FOXK1: variants seen among roughly 807,000 people sequenced by gnomAD.
The protein encoded by FOXK1 is forkhead box K1, also known as forkhead box protein K1.
A neutral mutation model predicts 51.9 loss-of-function variants in FOXK1; 19 were observed. That is an observed-to-expected ratio of 0.37 (90% confidence interval 0.26 to 0.54). The LOEUF (loss-of-function observed/expected upper bound fraction) is 0.54, where lower values mean the gene tolerates loss of function less well. Among genes scored for constraint, FOXK1 ranks in the 20% least tolerant of loss-of-function variants. FOXK1 has a pLI of 0.87. For synonymous variants in FOXK1, 537 were observed against 482.6 expected (o/e 1.11, Z -1.48); for missense variants, 870 against 1,032.7 (o/e 0.84, Z 2.16).
At chr7:4,706,666 C>A (rs1261574636) in intron 1 of FOXK1, among the ~76,000 whole-genome samples, 4 of 152,248 alleles carry the variant, frequency 2.6e-5, no homozygotes, top group Non-Finnish European at 4.4e-5. Flanking sequence ...ACAGTTCTGT[C>A]TGAATTGTTT....
In FOXK1 at chr7:4,730,537, G is replaced by A. The variant is rs571723795; in HGVS notation, c.561-10301G>A. On this transcript the variant is annotated intron_variant, in intron 1 of 8. Coordinates refer to ENST00000328914, the MANE Select transcript of FOXK1 (RefSeq NM_001037165.2). This position sits in a 1 kb window ranked among gnomAD's most constrained non-coding sequence, Gnocchi z 4.7. The stretch of plus-strand genomic sequence containing the variant: ...CGTGTCTGTCGGGGAGGGGATGGAC[G>A]TTTGTGTTGCTGTCAGGGACCTTGC... 3.2e-3 allele frequency among the ~76,000 whole-genome samples: 480 copies of A among 152,326 alleles called. 2 individuals are homozygous for A. Among genetic ancestry groups the A allele is most frequent in the African/African-American group, 0.011 (458 of 41,580 alleles).
rs1780626328 is a variant in FOXK1 at position 4,740,960 on chromosome 7, A to G, written c.683A>G (p.His228Arg). The G allele has an allele frequency of 6.4e-7, 1 of 1,568,618 alleles. No homozygotes were observed. Among genetic ancestry groups the G allele is most frequent in the African/African-American group, 1.4e-5 (1 of 71,794 alleles). Residue 228 changes from histidine (H) to arginine (R), a missense_variant, in exon 2 of 9, where the codon CAC (histidine) becomes CGC (arginine). Physicochemically the swap from His to Arg is conservative, Grantham distance 29. Transcript: ENST00000328914. Reference protein sequence around the residue: ...LYPQISPLKIHIPEPDLRSMV... With the variant: ...LYPQISPLKIRIPEPDLRSMV... ...CCCCAGATCTCCCCTCTGAAGATCC[A>G]CATCCCGGAGCCGGACCTCCGGAGC...
intron 2 of FOXK1, among the ~76,000 whole-genome samples, chr7:4,750,252 C>T (rs1032782634): frequency 6.6e-6 from 1 of 152,146 alleles, no homozygotes; most frequent in African/African-American, 2.4e-5. Flanking sequence ...CTCTGCGTCC[C>T]ACACCTGGGC....
Position 4,711,216 on chromosome 7 carries a change from GCTGGTGTGCCCTCCTGGGTCCCGACAC to G in FOXK1, c.560+28353_560+28379del, listed in dbSNP as rs1224389198. On this transcript the variant is annotated intron_variant, in intron 1 of 8. Coordinates refer to ENST00000328914, the MANE Select transcript of FOXK1 (RefSeq NM_001037165.2). This position sits in a 1 kb window ranked among gnomAD's most constrained non-coding sequence, Gnocchi z 6.3. Reference sequence around the variant, plus strand: ...CCCAGCTCTGTTCAGGAAGCGTTGTGCTGGTGTGCCCTCCTGGGTCCCGACACCTGGGGGTGTTTTCACAGGGTGGGA... The same window carrying G: ...CCCAGCTCTGTTCAGGAAGCGTTGTGCTGGGGGTGTTTTCACAGGGTGGGA... Among the ~76,000 whole-genome samples the G allele has an allele frequency of 7.2e-5, 11 of 152,192 alleles. No homozygotes were observed. Among genetic ancestry groups the G allele is most frequent in the Admixed American group, 3.9e-4 (6 of 15,282 alleles).
At chr7:4,732,893 C>T (rs1055019635) in intron 1 of FOXK1, among the ~76,000 whole-genome samples, 6 of 150,636 alleles carry the variant, frequency 4.0e-5, no homozygotes, top group Non-Finnish European at 8.8e-5. Flanking sequence ...TCTTCTTACT[C>T]GTCCAGCGTT....
rs973628673 is a variant in FOXK1, at chr7:4,767,048, T to C, written c.*4584T>C. ...AGAAGAAAGGATTTTCCCCTTCGCTTTCAGAGCCGGCGGGAGTGCAGGTCT... is the reference window on the plus strand; with the variant it reads ...AGAAGAAAGGATTTTCCCCTTCGCTCTCAGAGCCGGCGGGAGTGCAGGTCT... On this transcript the variant is annotated 3_prime_UTR_variant, in exon 9 of 9. Transcript: ENST00000328914. The surrounding 1 kb of genome is among the most constrained non-coding windows in gnomAD (Gnocchi z 6.6). The C allele has an allele frequency of 6.6e-6, 1 of 152,220 alleles. No homozygotes were observed. The highest frequency in any genetic ancestry group is 1.5e-5 in the Non-Finnish European group (1 of 68,042). 9.4% of individuals were successfully genotyped at this position (152,220 alleles called of 1,614,324 possible).
intron 1 of FOXK1, among the ~76,000 whole-genome samples, chr7:4,710,787 A>G (rs62453197): frequency 0.18 from 28,058 of 151,882 alleles, 3,725 homozygotes; most frequent in African/African-American, 0.38. Context: ...GGGCCACGAT[A>G]CTGTTCATAG....
intron 1 of FOXK1, among the ~76,000 whole-genome samples, chr7:4,710,103 T>G (rs1431824724): frequency 6.6e-6 from 1 of 152,244 alleles, no homozygotes; most frequent in Non-Finnish European, 1.5e-5. Context: ...GGTTTCCTCA[T>G]CTGAATGAGA....
intron 1 of FOXK1, among the ~76,000 whole-genome samples, chr7:4,705,517 T>TTCTCTCTCTCTCTCTCTCTCTCTCTC (rs56842360): frequency 1.4e-4 from 16 of 111,568 alleles, no homozygotes; most frequent in African/African-American, 4.9e-4. Context: ...TTCCTTCTCT[T>TTCTCTCTCTCTCTCTCTCTCTCTCTC]TCTCTCTCTC....
At chr7:4,713,451 T>C (rs1229380580) in intron 1 of FOXK1, among the ~76,000 whole-genome samples, 1 of 151,460 alleles carries the variant, frequency 6.6e-6, no homozygotes, top group African/African-American at 2.4e-5. Flanking sequence ...CCCTGCGAGG[T>C]CAGCTCCCTA....
intron 1 of FOXK1, among the ~76,000 whole-genome samples, chr7:4,712,055 C>CT (rs374823663): frequency 0.057 from 8,264 of 145,430 alleles, 554 homozygotes; most frequent in African/African-American, 0.17. Flanking sequence ...ATCATCTGTG[C>CT]TTTTTTTTTT....
intron 2 of FOXK1, 78 bp downstream of exon 2, chr7:4,741,101 C>A: frequency 1.9e-6 from 2 of 1,055,842 alleles, no homozygotes; most frequent in South Asian, 1.9e-5. Context: ...TACGCAGCAC[C>A]GGGTTCCAAA....
chr7:4,699,881 A>G (rs2115034239), intron 1 of FOXK1, among the ~76,000 whole-genome samples: 1 of 152,292 alleles, frequency 6.6e-6, no homozygotes, highest in African/African-American at 2.4e-5. Context: ...TCATGTGCAG[A>G]TAATACTTCT....
chr7:4,695,800 G>A (rs1190327776), intron 1 of FOXK1, among the ~76,000 whole-genome samples: 1 of 152,220 alleles, frequency 6.6e-6, no homozygotes, highest in Non-Finnish European at 1.5e-5. Flanking sequence ...GCTGGGCGTG[G>A]TGGCGCATGC....
At position 4,748,803 on chromosome 7, in the gene FOXK1, C is replaced by T. The variant is rs112347937; in HGVS notation, c.747-5656C>T. On this transcript the variant is annotated intron_variant, in intron 2 of 8. Transcript: ENST00000328914. The surrounding 1 kb of genome is among the most constrained non-coding windows in gnomAD (Gnocchi z 4.9). ...AAGCGAGCCTCCTGCCTCAGCCTCCCGAGTAGTAGGGACTACAGGTGTGCA... is the reference window on the plus strand; with the variant it reads ...AAGCGAGCCTCCTGCCTCAGCCTCCTGAGTAGTAGGGACTACAGGTGTGCA... Among the ~76,000 whole-genome samples the T allele has an allele frequency of 1.5e-4, 23 of 152,314 alleles. 1 individual carries two copies. The highest frequency in any genetic ancestry group is 4.3e-4 in the African/African-American group (18 of 41,574).
At position 4,721,574 on chromosome 7, in the gene FOXK1, CTTTTTCTTT is replaced by C. The variant is rs1310278757; in HGVS notation, c.561-19249_561-19241del. Among the ~76,000 whole-genome samples the C allele has an allele frequency of 2.9e-3, 422 of 144,190 alleles. 4 individuals carry two copies. Among genetic ancestry groups the C allele is most frequent in the African/African-American group, 0.01 (392 of 38,374 alleles). 94.6% of individuals were successfully genotyped at this position (144,190 alleles called of 152,430 possible). ...AGCCTAAGAAGGACTTTTCTCTTTT[CTTTTTCTTT>C]TTTTTCTTTTTTTTTTTTTTTTTTT... On this transcript the variant is annotated intron_variant, in intron 1 of 8. Transcript: ENST00000328914.
Position 4,756,723 on chromosome 7 carries a change from C to T in FOXK1, c.1051-271C>T, listed in dbSNP as rs1780857901. Among the ~76,000 whole-genome samples the T allele has an allele frequency of 6.6e-6, 1 of 151,718 alleles. No homozygotes were observed. The highest frequency in any genetic ancestry group is 2.4e-5 in the African/African-American group (1 of 41,300). On this transcript the variant is annotated intron_variant, in intron 4 of 8. Transcript: ENST00000328914. The surrounding 1 kb of genome is among the most constrained non-coding windows in gnomAD (Gnocchi z 4.1). ...GAACTTGCAGTGAGCCGAGATCGTG[C>T]CACTGCACTCCATCCTGGGCGACAG... is the stretch of plus-strand genomic sequence containing the variant.
rs115610361 is a variant in FOXK1 at position 4,721,985 on chromosome 7, A to C, written c.561-18853A>C. On this transcript the variant is annotated intron_variant, in intron 1 of 8. Transcript: ENST00000328914. ...TCGTGCAGGAGTAACGGGGACGCGC[A>C]CAGCCGTGTTACTTTCTCCCAAAGG... 2.9e-3 allele frequency among the ~76,000 whole-genome samples: 449 copies of C among 152,348 alleles called. 3 individuals carry two copies. Among genetic ancestry groups the C allele is most frequent in the African/African-American group, 8.2e-3 (339 of 41,580 alleles).
At chr7:4,690,482 A>C (rs1264489955) in intron 1 of FOXK1, among the ~76,000 whole-genome samples, 3 of 152,262 alleles carry the variant, frequency 2.0e-5, no homozygotes, top group Admixed American at 2.0e-4. Flanking sequence ...TAGCAAGTAC[A>C]TTGGGTCGAG....
Sources: gnomAD v4.1 joint callset for allele counts (sites outside exome capture counted in the v4.1 genomes callset) on GRCh38, gnomAD v4.1.1 for gene constraint, Gnocchi (gnomAD v3.1) non-coding constraint, MANE v1.5 for transcripts, NCBI Gene and HGNC (gene_info 2026-07-23, HGNC 2026-07-21) for gene names.